GSDMC: variants seen among roughly 807,000 people sequenced by gnomAD.
The protein encoded by GSDMC is gasdermin C.
Under a neutral mutation model 58.0 loss-of-function variants are expected in GSDMC, and 59 were observed. The observed-to-expected ratio is 1.02, with a 90% CI of 0.82 to 1.26. The LOEUF (loss-of-function observed/expected upper bound fraction) is 1.26, where lower values mean the gene tolerates loss of function less well. Ranked by LOEUF, GSDMC falls within the 50% of genes most tolerant of loss-of-function variation. The pLI, the probability that GSDMC is intolerant of heterozygous loss-of-function variation, is 0.00. For synonymous variants in GSDMC, 241 were observed against 220.2 expected, an observed-to-expected ratio of 1.09 and a Z score of -0.83; for missense variants, 659 against 598.5, an observed-to-expected ratio of 1.10 and a Z score of -1.06.
At chr8:129,737,704 A>C in the GSDMC span, among the ~76,000 whole-genome samples, 1 of 152,244 alleles carries the variant, frequency 6.6e-6, no homozygotes, top group Non-Finnish European at 1.5e-5. Flanking sequence ...AAAACCATAA[A>C]AACTCTAGAA....
the GSDMC span, among the ~76,000 whole-genome samples, chr8:129,721,703 G>C: frequency 6.6e-6 from 1 of 152,120 alleles, no homozygotes; most frequent in African/African-American, 2.4e-5. Context: ...TACTGCTCTA[G>C]TTCTCTCTGA....
the GSDMC span, among the ~76,000 whole-genome samples, chr8:129,726,026 A>G: frequency 6.6e-6 from 1 of 152,224 alleles, no homozygotes; most frequent in Non-Finnish European, 1.5e-5. Flanking sequence ...TTTAAAGAGA[A>G]TATTCCTCTG....
At chr8:129,776,030 G>T in intron 3 of GSDMC, 72 bp downstream of exon 3, 1 of 1,164,448 alleles carries the variant, frequency 8.6e-7, no homozygotes, top group Non-Finnish European at 1.2e-6. Context: ...CTTGCTAGAT[G>T]TATTTTTGTG....
chr8:129,727,170 G>A, the GSDMC span, among the ~76,000 whole-genome samples: 1 of 152,140 alleles, frequency 6.6e-6, no homozygotes, highest in Non-Finnish European at 1.5e-5. Context: ...AGTCATGCTG[G>A]ATTAGAGTGA....
In GSDMC at chr8:129,748,528, C is replaced by T. The variant is rs4733559; in HGVS notation, c.1500G>A (p.Ser500=). 0.21 allele frequency: 332,379 copies of T among 1,609,562 alleles called. 37,003 individuals carry two copies. The highest frequency in any genetic ancestry group is 0.23 in the Non-Finnish European group (269,892 of 1,177,690). Residue 500 remains serine, a synonymous_variant, in exon 14 of 14, where the codon TCG becomes TCA. Transcript: ENST00000276708. ...AGGCCTCAGCCAGCTGCTGCAGCAA[C>T]GAGAGAGTCCCATAGAGGGCAGACA... ...MPLSALYGTL[S]LLQQLAEA
At chr8:129,712,538 T>C in the GSDMC span, among the ~76,000 whole-genome samples, 2 of 151,020 alleles carry the variant, frequency 1.3e-5, no homozygotes, top group Non-Finnish European at 3.0e-5. Flanking sequence ...ATCTAGGAGG[T>C]CCATCATCAG....
the GSDMC span, among the ~76,000 whole-genome samples, chr8:129,716,250 C>T: frequency 6.6e-6 from 1 of 152,002 alleles, no homozygotes; most frequent in Non-Finnish European, 1.5e-5. Context: ...CAATCATATG[C>T]TTTCTACAAG....
At chr8:129,750,168 G>A in intron 11 of GSDMC, 49 bp from the exon 12 acceptor site, 1 of 1,402,104 alleles carries the variant, frequency 7.1e-7, no homozygotes, top group Non-Finnish European at 9.6e-7. Context: ...TAACAGTAAT[G>A]TTATATAATT....
chr8:129,756,843 C>T (rs1321003423), intron 6 of GSDMC, among the ~76,000 whole-genome samples: 2 of 151,886 alleles, frequency 1.3e-5, no homozygotes, highest in African/African-American at 4.8e-5. Context: ...GAAATTGAAA[C>T]ATTTCTTGAA....
chr8:129,708,630 C>T, the GSDMC span, among the ~76,000 whole-genome samples: 6,086 of 152,340 alleles, frequency 0.04, 188 homozygotes, highest in East Asian at 0.053. Flanking sequence ...GTCATGGGAA[C>T]GGAAGTCAGG....
the GSDMC span, chr8:129,729,391 A>C: frequency 2.5e-6 from 1 of 400,026 alleles, no homozygotes; most frequent in Admixed American, 3.6e-5. Context: ...GACATGTGCC[A>C]TGTTGGTGTG....
chr8:129,731,275 T>G, the GSDMC span, among the ~76,000 whole-genome samples: 4 of 152,216 alleles, frequency 2.6e-5, no homozygotes, highest in Non-Finnish European at 5.9e-5. Flanking sequence ...GGAAAGAGTG[T>G]GACTACTCAC....
At chr8:129,734,342 T>C in the GSDMC span, among the ~76,000 whole-genome samples, 2,789 of 152,068 alleles carry the variant, frequency 0.018, 42 homozygotes, top group Non-Finnish European at 0.03. Flanking sequence ...AAGATACTCC[T>C]CGAGAAGAGC....
chr8:129,712,267 T>C, the GSDMC span, among the ~76,000 whole-genome samples: 1 of 152,232 alleles, frequency 6.6e-6, no homozygotes, highest in African/African-American at 2.4e-5. Flanking sequence ...AGTTTTATTT[T>C]TCAATAGGTA....
At chr8:129,752,330 C>T (rs2033241127) in intron 7 of GSDMC, among the ~76,000 whole-genome samples, 183 bp from the exon 8 acceptor site, 1 of 152,172 alleles carries the variant, frequency 6.6e-6, no homozygotes, top group Non-Finnish European at 1.5e-5. Flanking sequence ...GCCTCTTTCC[C>T]CAACAGACTC....
In GSDMC at chr8:129,767,456, C is replaced by A. The variant is rs530583623; in HGVS notation, c.405-1663G>T. Among the ~76,000 whole-genome samples the A allele has an allele frequency of 5.3e-5, 8 of 152,130 alleles. No homozygotes were observed. In the East Asian group the frequency reaches 1.2e-3, roughly 22 times the overall value. ...GACTCTGCCTAACTGTGGAGCATAA[C>A]CTGTTACCCTGCCTCATGAAGGAGC... On this transcript the variant is annotated intron_variant, in intron 3 of 13. Transcript: ENST00000276708.
At chr8:129,777,636 A>AT (rs1329395105) in intron 1 of GSDMC, 45 bp from the exon 2 acceptor site, 1 of 981,610 alleles carries the variant, frequency 1.0e-6, no homozygotes, top group Non-Finnish European at 1.6e-6. Context: ...GAGGAAGAAA[A>AT]TGGTTAAACT....
intron 6 of GSDMC, among the ~76,000 whole-genome samples, chr8:129,759,996 C>T (rs2033595692): frequency 6.6e-6 from 1 of 152,026 alleles, no homozygotes; most frequent in Admixed American, 6.6e-5. Flanking sequence ...AAGAAAATAT[C>T]AAACATATAC....
chr8:129,728,856 T>C, the GSDMC span: 2 of 621,266 alleles, frequency 3.2e-6, no homozygotes. Context: ...GGAGAGGCTG[T>C]TCGCCTGGGG....
Sources: gnomAD v4.1 joint callset for allele counts (sites outside exome capture counted in the v4.1 genomes callset) on GRCh38, gnomAD v4.1.1 for gene constraint, MANE v1.5 for transcripts, NCBI Gene and HGNC (gene_info 2026-07-23, HGNC 2026-07-21) for gene names.